The following AOPEP variants were observed in gnomAD, a reference collection of about 807,000 sequenced individuals.
The protein encoded by AOPEP is aminopeptidase O (putative).
A neutral mutation model predicts 98.1 loss-of-function variants in AOPEP; 77 were observed. That is an observed-to-expected ratio of 0.78 (90% CI 0.65 to 0.95). The LOEUF (loss-of-function observed/expected upper bound fraction) is 0.95, where lower values mean the gene tolerates loss of function less well. AOPEP is among the 40% of genes least tolerant of loss of function. AOPEP has a pLI of 0.00. For synonymous variants in AOPEP, 346 were observed against 365.3 expected (o/e 0.95, Z 0.60); for missense variants, 1,024 against 1,024.7 (o/e 1.00, Z 0.01).
chr9:95,146,268 C>G, the AOPEP span, among the ~76,000 whole-genome samples: 4 of 151,948 alleles, frequency 2.6e-5, no homozygotes, highest in African/African-American at 9.7e-5. Flanking sequence ...AGGCAGACTC[C>G]TTGAGCCCAG....
chr9:94,841,975 C>T (rs188545780), intron 5 of AOPEP, among the ~76,000 whole-genome samples: 3 of 152,174 alleles, frequency 2.0e-5, no homozygotes, highest in Admixed American at 2.0e-4. Flanking sequence ...ATCACTTGAG[C>T]CTAGGAGTTC....
chr9:95,005,706 T>C, intron 13 of AOPEP, 90 bp downstream of exon 13: 1 of 1,030,904 alleles, frequency 9.7e-7, no homozygotes, highest in Non-Finnish European at 1.5e-6. Context: ...GAGTAGTGTT[T>C]AATTTAAAAA....
At chr9:95,088,530 G>A (rs894509195), downstream of AOPEP, among the ~76,000 whole-genome samples, 2 of 151,354 alleles carry the variant, frequency 1.3e-5, no homozygotes, top group South Asian at 2.1e-4. Context: ...CTCTCTCTGC[G>A]CTTTCTAAGT....
chr9:95,003,949 G>A (rs975984161), intron 11 of AOPEP: 3 of 203,844 alleles, frequency 1.5e-5, no homozygotes, highest in South Asian at 7.0e-5. Context: ...ATGGAATGAA[G>A]GGATAAATTC....
At chr9:95,063,305 A>C (rs1049353346) in intron 14 of AOPEP, among the ~76,000 whole-genome samples, 2 of 152,234 alleles carry the variant, frequency 1.3e-5, no homozygotes, top group African/African-American at 4.8e-5. Context: ...AGGTCTCTTA[A>C]GCTGTAAAAA....
the AOPEP span, among the ~76,000 whole-genome samples, chr9:95,118,315 G>C: frequency 1.3e-5 from 2 of 152,242 alleles, no homozygotes; most frequent in Non-Finnish European, 2.9e-5. Context: ...CACTGAGCCT[G>C]GCTCAGCATG....
At chr9:95,032,153 T>G (rs900307298) in intron 13 of AOPEP, among the ~76,000 whole-genome samples, 1 of 152,210 alleles carries the variant, frequency 6.6e-6, no homozygotes, top group Admixed American at 6.5e-5. Flanking sequence ...AAACACACTT[T>G]ATCGTGTGTG....
At chr9:95,140,476 AAAAAC>A in the AOPEP span, among the ~76,000 whole-genome samples, 8,858 of 151,728 alleles carry the variant, frequency 0.058, 764 homozygotes, top group African/African-American at 0.19. Context: ...ATAGCTACAA[AAAAAC>A]AAAACAAAAC....
At chr9:95,088,694 CCTTG>C (rs2070823095), downstream of AOPEP, among the ~76,000 whole-genome samples, 1 of 152,206 alleles carries the variant, frequency 6.6e-6, no homozygotes, top group African/African-American at 2.4e-5. Flanking sequence ...TTTGGGGTGA[CCTTG>C]CTTTTCCAAA....
downstream of AOPEP, among the ~76,000 whole-genome samples, chr9:95,090,430 G>T (rs191646380): frequency 6.6e-6 from 1 of 152,190 alleles, no homozygotes. Flanking sequence ...CCCTGCTGCC[G>T]CCTCCGGCTG....
At chr9:95,005,723 G>T (rs763011486) in intron 13 of AOPEP, 107 bp downstream of exon 13, 2 of 865,168 alleles carry the variant, frequency 2.3e-6, no homozygotes, top group Non-Finnish European at 3.8e-6. Context: ...AAAAGTTTTT[G>T]TTATAATAAA....
intron 13 of AOPEP, among the ~76,000 whole-genome samples, chr9:95,054,250 C>T (rs1259660481): frequency 6.6e-6 from 1 of 151,974 alleles, no homozygotes; most frequent in Non-Finnish European, 1.5e-5. Flanking sequence ...GAATGTTTTC[C>T]CTTTGGCCCC....
intron 14 of AOPEP, among the ~76,000 whole-genome samples, chr9:95,074,589 G>A (rs188084735): frequency 6.2e-4 from 95 of 152,268 alleles, no homozygotes; most frequent in Non-Finnish European, 1.6e-4. Flanking sequence ...AGCATGTCCC[G>A]TAAGCAGAAC....
At chr9:95,116,764 C>G in the AOPEP span, among the ~76,000 whole-genome samples, 1 of 152,194 alleles carries the variant, frequency 6.6e-6, no homozygotes, top group Non-Finnish European at 1.5e-5. Context: ...CCATCACTTC[C>G]CCAGCTGGAT....
At chr9:94,869,241 T>A (rs2046051137) in intron 5 of AOPEP, among the ~76,000 whole-genome samples, 1 of 152,066 alleles carries the variant, frequency 6.6e-6, no homozygotes, top group African/African-American at 2.4e-5. Context: ...AAAATAAAAA[T>A]AAAAAATAAA....
chr9:94,948,921 G>A (rs1346348036), intron 7 of AOPEP, among the ~76,000 whole-genome samples: 1 of 152,152 alleles, frequency 6.6e-6, no homozygotes, highest in African/African-American at 2.4e-5. Flanking sequence ...TTGCCTTCTT[G>A]GCAGTCATTT....
chr9:95,064,424 T>A (rs1230419348), intron 14 of AOPEP, among the ~76,000 whole-genome samples: 1 of 152,186 alleles, frequency 6.6e-6, no homozygotes, highest in Non-Finnish European at 1.5e-5. Context: ...CCCGAGTAGC[T>A]GGATTACAGG....
At chr9:94,813,883 G>T (rs1851154305) in intron 5 of AOPEP, among the ~76,000 whole-genome samples, 1 of 152,176 alleles carries the variant, frequency 6.6e-6, no homozygotes, top group African/African-American at 2.4e-5. Flanking sequence ...CCTCCACCCT[G>T]GCTGTGTTCA....
chr9:94,792,710 C>T, intron 3 of AOPEP, 55 bp from the exon 4 acceptor site: 1 of 1,417,494 alleles, frequency 7.1e-7, no homozygotes, highest in Non-Finnish European at 9.4e-7. Flanking sequence ...AATTATACAG[C>T]AGAGCCCAGG....
Sources: allele counts gnomAD v4.1 joint callset (sites outside exome capture counted in the v4.1 genomes callset), GRCh38; gene constraint gnomAD v4.1.1; transcripts MANE v1.5; gene names NCBI Gene and HGNC (gene_info 2026-07-23, HGNC 2026-07-21).